The following XIRP2 variants were observed in gnomAD, a reference collection of about 807,000 sequenced individuals.
XIRP2 encodes xin actin-binding repeat-containing protein 2.
A neutral mutation model predicts 277.0 loss-of-function variants in XIRP2; 236 were observed. That is an observed-to-expected ratio of 0.85 (90% CI 0.77 to 0.95). The LOEUF (loss-of-function observed/expected upper bound fraction) is 0.95. Ranked by LOEUF, XIRP2 falls within the 40% of genes least tolerant of loss-of-function variation. The pLI is 0.00. For synonymous variants in XIRP2, 1,490 were observed against 1,416.5 expected (o/e 1.05, Z -1.17); for missense variants, 4,640 against 4,157.5 (o/e 1.12, Z -3.19).
chr2:167,137,977 C>A (rs1286252184), intron 3 of XIRP2, among the ~76,000 whole-genome samples: 5 of 152,104 alleles, frequency 3.3e-5, no homozygotes. Context: ...TTAACTTGGA[C>A]AGCATGCAAG....
At chr2:166,905,011 AGAGAT>A (rs1285710855) in intron 2 of XIRP2, among the ~76,000 whole-genome samples, 1 of 152,052 alleles carries the variant, frequency 6.6e-6, no homozygotes, top group Non-Finnish European at 1.5e-5. Flanking sequence ...AATGATAATA[AGAGAT>A]ATGAAGTTAT....
At chr2:167,163,606 G>C (rs906257981) in intron 3 of XIRP2, among the ~76,000 whole-genome samples, 1 of 152,148 alleles carries the variant, frequency 6.6e-6, no homozygotes, top group South Asian at 2.1e-4. Context: ...TCTAGTCTAA[G>C]ATTTGCCCAT....
At chr2:166,972,233 C>A (rs1402956072) in intron 2 of XIRP2, among the ~76,000 whole-genome samples, 1 of 152,040 alleles carries the variant, frequency 6.6e-6, no homozygotes, top group Non-Finnish European at 1.5e-5. Flanking sequence ...CTTCCTGCAC[C>A]TTGATCTTGG....
At position 167,250,455 on chromosome 2, in the gene XIRP2, T is replaced by TA; in HGVS notation, c.9064dup (p.Met3022AsnfsTer6). On this transcript the variant is annotated frameshift_variant, in exon 9 of 11. Transcript: ENST00000409195. LOFTEE classifies it high-confidence loss of function. The stretch of plus-strand genomic sequence containing the variant: ...CACATATTAAAACTCAAGCGGAAGA[T>TA]ATGCTTGTGTCCTATGAAAATATAA... 6.2e-7 allele frequency: 1 copy of TA among 1,613,290 alleles called. No individual in the cohort carries two copies. The highest frequency in any genetic ancestry group is 8.5e-7 in the Non-Finnish European group (1 of 1,179,630).
chr2:167,245,768 A>T lies in XIRP2; in HGVS notation c.4376A>T (p.His1459Leu). 1.9e-6 allele frequency: 3 copies of T among 1,613,812 alleles called. No homozygotes were observed. Among genetic ancestry groups the T allele is most frequent in the Non-Finnish European group, 1.7e-6 (2 of 1,179,794 alleles). ...VKTSTWLFET[H>L]TMDELRGEGL... Reference sequence around the variant, plus strand: ...ACATCTACTTGGCTATTTGAAACCCACACTATGGATGAACTGAGAGGAGAA... The same window carrying T: ...ACATCTACTTGGCTATTTGAAACCCTCACTATGGATGAACTGAGAGGAGAA... The change falls in exon 9 of 11, where the codon CAC becomes CTC. Residue 1459 changes from histidine to leucine, a missense_variant. Physicochemically the swap from His to Leu is moderately conservative, Grantham distance 99. Transcript: ENST00000409195.
chr2:167,181,310 A>G (rs868454521), intron 3 of XIRP2, among the ~76,000 whole-genome samples: 1 of 152,102 alleles, frequency 6.6e-6, no homozygotes, highest in African/African-American at 2.4e-5. Flanking sequence ...TGGGGAAACT[A>G]TTTGTTCTTC....
chr2:167,033,139 A>G (rs1688412874), intron 2 of XIRP2, among the ~76,000 whole-genome samples: 1 of 152,164 alleles, frequency 6.6e-6, no homozygotes, highest in Non-Finnish European at 1.5e-5. Flanking sequence ...ATTTTCTTGC[A>G]GGGACATGGA....
At chr2:166,945,663 CTTTTTTTTTTTTTT>C (rs71395267) in intron 2 of XIRP2, among the ~76,000 whole-genome samples, 1 of 69,264 alleles carries the variant, frequency 1.4e-5, no homozygotes, top group African/African-American at 6.0e-5. Flanking sequence ...TAAGATAAAT[CTTTTTTTTTTTTTT>C]TTTTTTTTTT....
chr2:166,971,637 G>A (rs1000126980), intron 2 of XIRP2, among the ~76,000 whole-genome samples: 1 of 151,970 alleles, frequency 6.6e-6, no homozygotes, highest in African/African-American at 2.4e-5. Flanking sequence ...TTTTTTCAAG[G>A]TGGATATTTT....
At chr2:166,971,587 G>T (rs1334634618) in intron 2 of XIRP2, among the ~76,000 whole-genome samples, 1 of 151,988 alleles carries the variant, frequency 6.6e-6, no homozygotes, top group Non-Finnish European at 1.5e-5. Context: ...GGTATAATTA[G>T]TTCTTTTTTG....
intron 2 of XIRP2, among the ~76,000 whole-genome samples, chr2:167,101,239 A>C (rs1690477763): frequency 6.6e-6 from 1 of 152,218 alleles, no homozygotes; most frequent in South Asian, 2.1e-4. Flanking sequence ...TTTATTGTTA[A>C]ATAAAAATTA....
Position 167,244,554 on chromosome 2 carries a change from T to C in XIRP2, c.3162T>C (p.Ser1054=). ...AQEIQTGNVK[S]AKWLFETQPL... ...AAATACAGACTGGAAATGTGAAATC[T>C]GCCAAATGGTTGTTTGAAACCCAAC... Residue 1054 remains serine, a synonymous_variant, in exon 9 of 11, where the codon TCT becomes TCC. Transcript: ENST00000409195. 6.2e-7 allele frequency: 1 copy of C among 1,612,756 alleles called. No individual in the cohort carries two copies. The highest frequency in any genetic ancestry group is 1.1e-5 in the South Asian group (1 of 90,780).
chr2:167,166,167 T>G (rs367567293), intron 3 of XIRP2, among the ~76,000 whole-genome samples: 6 of 152,344 alleles, frequency 3.9e-5, no homozygotes, highest in African/African-American at 1.4e-4. Flanking sequence ...CTATTTTCAT[T>G]TAGCTCAAAA....
chr2:167,198,107 A>C (rs1275708254), intron 3 of XIRP2, among the ~76,000 whole-genome samples: 2 of 152,210 alleles, frequency 1.3e-5, no homozygotes, highest in East Asian at 3.8e-4. Flanking sequence ...TTAAGGGATG[A>C]CGATACTGAC....
rs75614999 is a variant in XIRP2, at chr2:167,136,203, G to T, written c.562+141G>T. ...CATATAGTTTAGGAAATACAATTTAGGAAAAATAGAGGTGTTTATAAATGC... is the reference window on the plus strand; with the variant it reads ...CATATAGTTTAGGAAATACAATTTATGAAAAATAGAGGTGTTTATAAATGC... On this transcript the variant is annotated intron_variant, in intron 3 of 10. Coordinates refer to ENST00000409195, the MANE Select transcript of XIRP2 (RefSeq NM_152381.6). 6 of 781,348 alleles carry T rather than the reference G, an allele frequency of 7.7e-6. No homozygotes were observed. The East Asian group carries it at 1.4e-4, about 18-fold the overall frequency. The allele number at this position is 781,348 out of a possible 1,614,324, so 48.4% of individuals were successfully genotyped here. A position where few individuals can be genotyped will look rare whatever the true frequency, so the allele number is the denominator to read the frequency against.
chr2:167,197,719 T>G (rs1693558773), intron 3 of XIRP2, among the ~76,000 whole-genome samples: 1 of 152,170 alleles, frequency 6.6e-6, no homozygotes, highest in Non-Finnish European at 1.5e-5. Context: ...TTTAACACTG[T>G]GAAAGCCTAG....
Position 167,251,712 on chromosome 2 carries a change from T to TAGC in XIRP2, c.10321_10323dup (p.Ser3442dup). 6.2e-7 allele frequency: 1 copy of TAGC among 1,613,354 alleles called. No individual in the cohort carries two copies. The highest frequency in any genetic ancestry group is 8.5e-7 in the Non-Finnish European group (1 of 1,179,608). ...CGAAGATGAAAACCTCTTCATCACA[T>TAGC]AGCTCAGAAGCTGGCAAATCTGGCT... On this transcript the variant is annotated inframe_insertion, in exon 9 of 11. Transcript: ENST00000409195.
At chr2:167,118,481 C>CAATAAAATAA (rs1353725543) in intron 2 of XIRP2, among the ~76,000 whole-genome samples, 6 of 40,558 alleles carry the variant, frequency 1.5e-4, no homozygotes, top group Admixed American at 2.9e-4. Flanking sequence ...GACTCTGTCT[C>CAATAAAATAA]GATAAAATAA....
chr2:167,052,293 T>A (rs1244773682), intron 2 of XIRP2, among the ~76,000 whole-genome samples: 4 of 151,708 alleles, frequency 2.6e-5, no homozygotes, highest in African/African-American at 9.7e-5. Context: ...TATGTAGAAA[T>A]CTAATCTTGG....
Sources: gnomAD v4.1 joint callset for allele counts (sites outside exome capture counted in the v4.1 genomes callset) on GRCh38, gnomAD v4.1.1 for gene constraint, MANE v1.5 for transcripts, NCBI Gene and HGNC (gene_info 2026-07-23, HGNC 2026-07-21) for gene names.